CDH18: variants seen among roughly 807,000 people sequenced by gnomAD.
CDH18 encodes the protein cadherin 18, also known as cadherin-18.
In CDH18, 31 loss-of-function variants were observed where a neutral mutation model predicts 67.9. That is an observed-to-expected ratio of 0.46 (90% confidence interval 0.34 to 0.62). The LOEUF (loss-of-function observed/expected upper bound fraction) is 0.62, where lower values mean the gene tolerates loss of function less well. Ranked by LOEUF, CDH18 falls within the 20% of genes least tolerant of loss-of-function variation. CDH18 has a pLI of 0.01. For missense variants in CDH18, 890 were observed against 975.5 expected (o/e 0.91, Z 1.17); for synonymous variants, 362 against 347.2 (o/e 1.04, Z -0.48).
At chr5:20,386,881 T>C (rs1744356211) in intron 1 of CDH18, among the ~76,000 whole-genome samples, 1 of 152,136 alleles carries the variant, frequency 6.6e-6, no homozygotes, top group Non-Finnish European at 1.5e-5. Context: ...GTCTTCTCTC[T>C]GTCTCTCTCT....
intron 2 of CDH18, among the ~76,000 whole-genome samples, chr5:20,108,086 G>A (rs1307421241): frequency 6.6e-6 from 1 of 151,448 alleles, no homozygotes; most frequent in African/African-American, 2.4e-5. Flanking sequence ...TTTGTGTTTT[G>A]TTTTGTTTTG....
intron 1 of CDH18, among the ~76,000 whole-genome samples, chr5:20,525,100 C>T (rs769275183): frequency 1.4e-4 from 22 of 152,104 alleles, no homozygotes; most frequent in Admixed American, 3.9e-4. Flanking sequence ...ACTAGCAACA[C>T]GGCATGGTCT....
At chr5:20,397,304 G>A (rs1271069228) in intron 1 of CDH18, among the ~76,000 whole-genome samples, 12 of 151,910 alleles carry the variant, frequency 7.9e-5, no homozygotes, top group Non-Finnish European at 1.3e-4. Flanking sequence ...CTAATTTTTT[G>A]TATTTTTAGT....
At chr5:20,378,956 C>T (rs1485457442) in intron 1 of CDH18, among the ~76,000 whole-genome samples, 1 of 152,032 alleles carries the variant, frequency 6.6e-6, no homozygotes, top group Non-Finnish European at 1.5e-5. Flanking sequence ...CACTAAGAAC[C>T]TTCTGGAAAA....
chr5:20,261,568 A>G (rs747712905), intron 1 of CDH18, among the ~76,000 whole-genome samples: 5 of 151,912 alleles, frequency 3.3e-5, no homozygotes, highest in African/African-American at 4.8e-5. Context: ...GTGAAACCCC[A>G]TCTCTACTAA....
chr5:20,353,387 A>T (rs761989438), intron 1 of CDH18, among the ~76,000 whole-genome samples: 7 of 152,200 alleles, frequency 4.6e-5, no homozygotes, highest in Non-Finnish European at 8.8e-5. Context: ...GATGTTATGC[A>T]CCACTTCCTG....
chr5:19,763,104 C>A (rs1411025794), intron 3 of CDH18, among the ~76,000 whole-genome samples: 4 of 152,046 alleles, frequency 2.6e-5, no homozygotes, highest in Admixed American at 6.6e-5. Context: ...GTCATGGGGT[C>A]TGGGGATGGG....
chr5:20,184,309 T>G (rs1234061408), intron 2 of CDH18, among the ~76,000 whole-genome samples: 1 of 152,102 alleles, frequency 6.6e-6, no homozygotes, highest in Non-Finnish European at 1.5e-5. Flanking sequence ...AGTACTATTC[T>G]TAATCTAAGA....
chr5:20,122,809 A>AGT (rs1412312084), intron 2 of CDH18, among the ~76,000 whole-genome samples: 1 of 146,554 alleles, frequency 6.8e-6, no homozygotes, highest in Non-Finnish European at 1.5e-5. Flanking sequence ...ATGAATACAA[A>AGT]GTATATATAT....
intron 1 of CDH18, among the ~76,000 whole-genome samples, chr5:20,552,128 T>C (rs2126623728): frequency 6.6e-6 from 1 of 151,848 alleles, no homozygotes; most frequent in Non-Finnish European, 1.5e-5. Context: ...GTGAAAAATA[T>C]ATACAAATAC....
chr5:19,866,673 T>C (rs1056593211), intron 2 of CDH18, among the ~76,000 whole-genome samples: 2 of 152,106 alleles, frequency 1.3e-5, no homozygotes, highest in Admixed American at 1.3e-4. Flanking sequence ...ACAGTCTCAT[T>C]TTGTCTCTAT....
intron 1 of CDH18, among the ~76,000 whole-genome samples, chr5:20,542,364 G>A (rs975828379): frequency 6.6e-6 from 1 of 151,440 alleles, no homozygotes; most frequent in Admixed American, 6.6e-5. Context: ...AATTGGGGCA[G>A]TAATTATAAA....
intron 2 of CDH18, among the ~76,000 whole-genome samples, chr5:20,206,010 A>C (rs1433020164): frequency 1.3e-5 from 2 of 151,924 alleles, no homozygotes; most frequent in Non-Finnish European, 2.9e-5. Flanking sequence ...AGCAGAGATA[A>C]ATAACATTGA....
intron 6 of CDH18, among the ~76,000 whole-genome samples, chr5:19,602,973 AAAAT>A (rs1747394777): frequency 6.6e-6 from 1 of 152,042 alleles, no homozygotes; most frequent in African/African-American, 2.4e-5. Context: ...CTCAAAAAAA[AAAAT>A]AAATAAATAA....
intron 2 of CDH18, among the ~76,000 whole-genome samples, chr5:19,895,723 CAG>C (rs1789252116): frequency 6.6e-6 from 1 of 152,060 alleles, no homozygotes; most frequent in Non-Finnish European, 1.5e-5. Context: ...GATGAATCTC[CAG>C]AGAATTATGC....
At chr5:19,714,241 G>C (rs1053487426) in intron 5 of CDH18, among the ~76,000 whole-genome samples, 2 of 151,080 alleles carry the variant, frequency 1.3e-5, no homozygotes, top group Non-Finnish European at 3.0e-5. Context: ...TCACTGGCCA[G>C]AGCAGTGTTG....
intron 1 of CDH18, among the ~76,000 whole-genome samples, chr5:20,466,568 G>C (rs1050643363): frequency 2.0e-5 from 3 of 152,040 alleles, no homozygotes; most frequent in Non-Finnish European, 4.4e-5. Flanking sequence ...CTGTTCTTCT[G>C]ATCACCAAAT....
chr5:20,055,332 C>T (rs1374868598), intron 2 of CDH18, among the ~76,000 whole-genome samples: 1 of 152,196 alleles, frequency 6.6e-6, no homozygotes, highest in African/African-American at 2.4e-5. Flanking sequence ...GCCGTGCAAA[C>T]TAAGTTCTAA....
intron 1 of CDH18, among the ~76,000 whole-genome samples, chr5:20,392,576 G>A (rs1744954598): frequency 6.6e-6 from 1 of 151,844 alleles, no homozygotes; most frequent in African/African-American, 2.4e-5. Context: ...TCTTATAGAT[G>A]AGAATGCTGC....
Sources: gnomAD v4.1 joint callset for allele counts (sites outside exome capture counted in the v4.1 genomes callset) on GRCh38, gnomAD v4.1.1 for gene constraint, MANE v1.5 for transcripts, NCBI Gene and HGNC (gene_info 2026-07-23, HGNC 2026-07-21) for gene names.